GIGYF2: variants seen among roughly 807,000 people sequenced by gnomAD.
GIGYF2 encodes the protein GRB10 interacting GYF protein 2.
A neutral mutation model predicts 208.1 loss-of-function variants in GIGYF2; 25 were observed. The ratio of observed to expected loss-of-function variants is 0.12; its 90% confidence interval spans 0.09 to 0.17. The LOEUF is 0.17. Ranked by LOEUF, GIGYF2 falls within the 10% of genes least tolerant of loss-of-function variation. The pLI is 1.00. For missense variants in GIGYF2, 1,302 were observed against 1,579.4 expected, an observed-to-expected ratio of 0.82 and a Z score of 2.98; for synonymous variants, 534 against 543.8, an observed-to-expected ratio of 0.98 and a Z score of 0.25.
chr2:232,793,800 G>T (rs1160065403), intron 12 of GIGYF2, among the ~76,000 whole-genome samples: 1 of 152,156 alleles, frequency 6.6e-6, no homozygotes, highest in Non-Finnish European at 1.5e-5. Flanking sequence ...AGAGTAGAGT[G>T]CAGGGAAACT....
rs759254036 is a variant in GIGYF2, at chr2:232,819,967, A to G, written c.2511A>G (p.Glu837=). 1 of 1,611,820 alleles carries G rather than the reference A, an allele frequency of 6.2e-7. No homozygotes were observed. Among genetic ancestry groups the G allele is most frequent in the Non-Finnish European group, 8.5e-7 (1 of 1,178,016 alleles). The part of the protein sequence containing the change: ...RREEEERRKQ[E]ELLRKQEEEA... ...AAGAGGAAGAAAGGCGGAAGCAGGA[A>G]GAATTGTTACGCAAACAGGTGACCA... The change falls in exon 21 of 29, where the codon GAA becomes GAG. Residue 837 remains glutamate (E), a synonymous_variant. Transcript: ENST00000373563.
intron 3 of GIGYF2, chr2:232,735,815 A>G (rs1697709835): frequency 1.8e-5 from 18 of 985,584 alleles, no homozygotes; most frequent in Non-Finnish European, 2.2e-5. Flanking sequence ...GATCCATCAC[A>G]TTGTAGTGTG....
chr2:232,707,351 A>G (rs934687996), intron 2 of GIGYF2, among the ~76,000 whole-genome samples: 8 of 152,146 alleles, frequency 5.3e-5, no homozygotes, highest in African/African-American at 1.9e-4. Context: ...TGAGGTTTAA[A>G]ATTCCTCCTG....
Position 232,760,589 on chromosome 2 carries a change from A to G in GIGYF2, c.489A>G (p.Glu163=). ...REMHRSQSWE[E]RGDRRFEKPG... is the part of the protein sequence containing the mutation. ...TGCATAGATCGCAGAGCTGGGAGGA[A>G]AGGTAACTGGATCCACATATTGGCA... Residue 163 remains glutamate, a splice_region_variant and synonymous_variant, in exon 7 of 29, where the codon GAA becomes GAG. Transcript: ENST00000373563. 1 of 1,591,554 alleles carries G rather than the reference A, an allele frequency of 6.3e-7. No individual in the cohort carries two copies. The highest frequency in any genetic ancestry group is 8.6e-7 in the Non-Finnish European group (1 of 1,159,700).
chr2:232,759,410 T>G (rs1397860291), intron 6 of GIGYF2, among the ~76,000 whole-genome samples: 1 of 151,894 alleles, frequency 6.6e-6, no homozygotes, highest in Non-Finnish European at 1.5e-5. Flanking sequence ...CAAATGTTTG[T>G]TGGGAAAACT....
At chr2:232,825,157 T>C (rs139579033) in intron 21 of GIGYF2, among the ~76,000 whole-genome samples, 1,882 of 152,348 alleles carry the variant, frequency 0.012, 22 homozygotes, top group Non-Finnish European at 0.017. Context: ...CAACATAACA[T>C]TCATTCTGCA....
chr2:232,756,428 C>G, intron 6 of GIGYF2, 94 bp downstream of exon 6: 4 of 655,644 alleles, frequency 6.1e-6, no homozygotes, highest in Non-Finnish European at 1.0e-5. Context: ...TTAATAAAAA[C>G]TGTTCTTTGA....
intron 8 of GIGYF2, among the ~76,000 whole-genome samples, chr2:232,763,431 T>C (rs191809943): frequency 1.3e-5 from 2 of 152,286 alleles, no homozygotes; most frequent in African/African-American, 4.8e-5. Context: ...TCTATACATA[T>C]ATATCTATGA....
At chr2:232,809,671 C>A in intron 15 of GIGYF2, 49 bp from the exon 16 acceptor site, 1 of 1,081,416 alleles carries the variant, frequency 9.2e-7, no homozygotes, top group Non-Finnish European at 1.4e-6. Context: ...CTTTTAGGTT[C>A]TTTGCAGTTT....
At chr2:232,847,917 A>G (rs1385067060) in intron 27 of GIGYF2, among the ~76,000 whole-genome samples, 2 of 152,232 alleles carry the variant, frequency 1.3e-5, no homozygotes, top group African/African-American at 4.8e-5. Context: ...TTCAGGATGC[A>G]CTGTATTGAG....
chr2:232,838,248 GTATGTA>G (rs1027320682), intron 22 of GIGYF2, among the ~76,000 whole-genome samples: 3 of 152,090 alleles, frequency 2.0e-5, no homozygotes, highest in Middle Eastern at 3.4e-3. Flanking sequence ...AAGAGCGTGT[GTATGTA>G]TATGTATATG....
At chr2:232,703,120 TG>T (rs948962640) in intron 1 of GIGYF2, among the ~76,000 whole-genome samples, 3 of 152,212 alleles carry the variant, frequency 2.0e-5, no homozygotes, top group Non-Finnish European at 4.4e-5. Context: ...GTCCCTATAA[TG>T]GGGTTTTGAA....
intron 2 of GIGYF2, among the ~76,000 whole-genome samples, chr2:232,727,072 C>T (rs957452574): frequency 6.6e-6 from 1 of 152,124 alleles, no homozygotes; most frequent in Non-Finnish European, 1.5e-5. Context: ...TCAAATGATT[C>T]TCATGCCTCA....
chr2:232,806,728 C>G lies in GIGYF2; in HGVS notation c.1806+71C>G. The G allele has an allele frequency of 9.9e-7, 1 of 1,014,338 alleles. No homozygotes were observed. Among genetic ancestry groups the G allele is most frequent in the Non-Finnish European group, 1.6e-6 (1 of 635,252 alleles). The allele number at this position is 1,014,338 out of a possible 1,614,324, so 62.8% of individuals were successfully genotyped here. ...CACTTGATTCTCTTTGAAAACACAA[C>G]CCAAATATATCATCTAATGAAGGAA... On this transcript the variant is annotated intron_variant, in intron 15 of 28. Transcript: ENST00000373563. The surrounding 1 kb of genome is among the most constrained non-coding windows in gnomAD (Gnocchi z 4.0).
At chr2:232,729,759 G>A in intron 2 of GIGYF2, 2 of 751,372 alleles carry the variant, frequency 2.7e-6, no homozygotes, top group Admixed American at 1.7e-5. Flanking sequence ...TCATCCCAAG[G>A]TTTCACATCT....
intron 23 of GIGYF2, among the ~76,000 whole-genome samples, chr2:232,841,101 C>G (rs941146219): frequency 6.6e-6 from 1 of 151,564 alleles, no homozygotes; most frequent in African/African-American, 2.4e-5. Context: ...TGAACTTTCT[C>G]TGGAATCATC....
intron 28 of GIGYF2, among the ~76,000 whole-genome samples, chr2:232,856,214 G>T (rs1003994189): frequency 6.6e-6 from 1 of 152,062 alleles, no homozygotes; most frequent in African/African-American, 2.4e-5. Context: ...ATTAAGGCAT[G>T]AGCCACCACA....
At chr2:232,739,063 A>G (rs180907949) in intron 3 of GIGYF2, among the ~76,000 whole-genome samples, 31 of 152,278 alleles carry the variant, frequency 2.0e-4, no homozygotes, top group Admixed American at 1.3e-4. Flanking sequence ...GGAAAAAGAA[A>G]AGGGTTAGGT....
intron 20 of GIGYF2, among the ~76,000 whole-genome samples, chr2:232,817,553 C>T (rs1224719657): frequency 6.6e-6 from 1 of 152,210 alleles, no homozygotes; most frequent in Non-Finnish European, 1.5e-5. Context: ...CTCCCTCCAT[C>T]CATAGCTCCT....
Sources: allele counts gnomAD v4.1 joint callset (sites outside exome capture counted in the v4.1 genomes callset), GRCh38; gene constraint gnomAD v4.1.1; non-coding constraint Gnocchi (gnomAD v3.1); transcripts MANE v1.5; gene names NCBI Gene and HGNC (gene_info 2026-07-23, HGNC 2026-07-21).